The following MACROD2 variants were observed in gnomAD, a reference collection of about 807,000 sequenced individuals.
The protein encoded by MACROD2 is mono-ADP ribosylhydrolase 2.
In MACROD2, 36 loss-of-function variants were observed where a neutral mutation model predicts 70.4. That is an observed-to-expected ratio of 0.51 (90% CI 0.39 to 0.68). The LOEUF is 0.68. Ranked by LOEUF, MACROD2 falls within the 30% of genes least tolerant of loss-of-function variation. MACROD2 has a pLI of 0.00. For missense variants in MACROD2, 496 were observed against 538.4 expected (o/e 0.92, Z 0.78); for synonymous variants, 172 against 178.8 (o/e 0.96, Z 0.30).
chr20:16,041,394 CAG>C, intron 16 of MACROD2, 116 bp downstream of exon 16: 1 of 778,790 alleles, frequency 1.3e-6, no homozygotes, highest in Non-Finnish European at 1.9e-6. Context: ...GGTTAGAACA[CAG>C]TAAATTTCAA....
chr20:14,021,853 T>C (rs1206370164), intron 2 of MACROD2, among the ~76,000 whole-genome samples: 2 of 152,190 alleles, frequency 1.3e-5, no homozygotes, highest in Non-Finnish European at 2.9e-5. Flanking sequence ...GACATTCTGC[T>C]TCACGTAGTC....
intron 5 of MACROD2, among the ~76,000 whole-genome samples, chr20:14,928,445 G>C (rs2074259459): frequency 6.6e-6 from 1 of 152,222 alleles, no homozygotes; most frequent in Non-Finnish European, 1.5e-5. Context: ...AAAAGGTTGT[G>C]ATTTGAAAGA....
chr20:16,041,322 G>T, intron 16 of MACROD2, 44 bp downstream of exon 16: 1 of 1,496,414 alleles, frequency 6.7e-7, no homozygotes, highest in South Asian at 1.2e-5. Flanking sequence ...TACAAATCTG[G>T]CATATTTTCT....
chr20:15,828,203 A>G (rs1404021486), intron 8 of MACROD2, among the ~76,000 whole-genome samples: 1 of 152,202 alleles, frequency 6.6e-6, no homozygotes, highest in African/African-American at 2.4e-5. Context: ...TCCACAATGT[A>G]TACATATATC....
At chr20:15,196,304 A>G (rs199303) in intron 5 of MACROD2, among the ~76,000 whole-genome samples, 30,044 of 151,896 alleles carry the variant, frequency 0.2, 3,340 homozygotes, top group African/African-American at 0.31. Flanking sequence ...AACTAAAAAT[A>G]TAACATACAA....
At chr20:14,480,756 GTGTACAGAAAAAAAGTGTGTCT>G (rs2084654030) in intron 3 of MACROD2, among the ~76,000 whole-genome samples, 1 of 152,028 alleles carries the variant, frequency 6.6e-6, no homozygotes, top group African/African-American at 2.4e-5. Context: ...TTTGTCTCCT[GTGTACAGAAAAAAAGTGTGTCT>G]TGTATGGTAA....
intron 5 of MACROD2, among the ~76,000 whole-genome samples, chr20:14,959,034 C>T (rs1436920176): frequency 6.6e-6 from 1 of 152,126 alleles, no homozygotes; most frequent in South Asian, 2.1e-4. Flanking sequence ...ATCTAAATAG[C>T]TGCTTGCAAC....
intron 8 of MACROD2, among the ~76,000 whole-genome samples, chr20:15,527,319 A>G (rs976514328): frequency 2.0e-5 from 3 of 152,316 alleles, no homozygotes; most frequent in Admixed American, 1.3e-4. Flanking sequence ...AATGGTATTC[A>G]ACTATCTGTT....
rs192078193 is a variant in MACROD2, at chr20:15,393,263, G to A, written c.541-38142G>A. Among the ~76,000 whole-genome samples, 49 of 152,258 alleles carry A rather than the reference G, an allele frequency of 3.2e-4. No individual in the cohort carries two copies. In the East Asian group the frequency reaches 7.7e-3, roughly 24 times the overall value. ...CTTCCATTATTTCATGAGGTTGATT[G>A]GAATGAGTGTGTGATTGGAAGGGAA... On this transcript the variant is annotated intron_variant, in intron 6 of 17. Coordinates refer to ENST00000684519, the MANE Select transcript of MACROD2 (RefSeq NM_001351661.2).
chr20:15,708,062 A>G (rs1388051392), intron 8 of MACROD2, among the ~76,000 whole-genome samples: 1 of 151,690 alleles, frequency 6.6e-6, no homozygotes, highest in African/African-American at 2.4e-5. Context: ...GAGAATGAGG[A>G]GCTCTGCACT....
chr20:15,974,525 G>A (rs2066276661), intron 13 of MACROD2, among the ~76,000 whole-genome samples: 1 of 152,076 alleles, frequency 6.6e-6, no homozygotes, highest in African/African-American at 2.4e-5. Context: ...GGGGTGGGGA[G>A]GGATGAATAG....
intron 5 of MACROD2, among the ~76,000 whole-genome samples, chr20:14,981,432 G>GTGTA (rs1391438885): frequency 8.5e-5 from 12 of 141,466 alleles, no homozygotes; most frequent in Admixed American, 2.1e-4. Flanking sequence ...ATATGTATAT[G>GTGTA]TATATATATA....
intron 10 of MACROD2, among the ~76,000 whole-genome samples, chr20:15,930,812 T>C (rs1321331824): frequency 6.6e-6 from 1 of 152,198 alleles, no homozygotes; most frequent in Non-Finnish European, 1.5e-5. Flanking sequence ...TTGTTACTAT[T>C]AGAAAGCTGG....
intron 3 of MACROD2, among the ~76,000 whole-genome samples, chr20:14,337,804 G>C (rs992162910): frequency 6.6e-6 from 1 of 152,178 alleles, no homozygotes; most frequent in African/African-American, 2.4e-5. Context: ...CCAAAGCTAG[G>C]ATGCCATTTG....
chr20:15,333,910 G>A (rs545534472), intron 6 of MACROD2, among the ~76,000 whole-genome samples: 1 of 151,508 alleles, frequency 6.6e-6, no homozygotes, highest in Non-Finnish European at 1.5e-5. Context: ...AGACCACATG[G>A]GTCACAGCTT....
At chr20:14,407,205 C>T (rs987396316) in intron 3 of MACROD2, among the ~76,000 whole-genome samples, 7 of 150,658 alleles carry the variant, frequency 4.6e-5, no homozygotes, top group Non-Finnish European at 1.0e-4. Context: ...TTACCCTGCT[C>T]TATTTTCTCT....
At chr20:16,014,363 G>A (rs540783409) in intron 15 of MACROD2, among the ~76,000 whole-genome samples, 4 of 152,200 alleles carry the variant, frequency 2.6e-5, no homozygotes, top group South Asian at 2.1e-4. Flanking sequence ...TATATTCTCC[G>A]GTTCTAAAAG....
At chr20:15,047,728 G>A (rs1365745666) in intron 5 of MACROD2, among the ~76,000 whole-genome samples, 1 of 152,154 alleles carries the variant, frequency 6.6e-6, no homozygotes, top group Non-Finnish European at 1.5e-5. Flanking sequence ...TTTACCCACT[G>A]AGTTGTGAGT....
chr20:14,721,578 G>A (rs1420352240), intron 5 of MACROD2, among the ~76,000 whole-genome samples: 2 of 152,026 alleles, frequency 1.3e-5, no homozygotes, highest in African/African-American at 4.8e-5. Flanking sequence ...TTATTTTATT[G>A]CCTAGGTTAC....
Sources: allele counts gnomAD v4.1 joint callset (sites outside exome capture counted in the v4.1 genomes callset), GRCh38; gene constraint gnomAD v4.1.1; transcripts MANE v1.5; gene names NCBI Gene and HGNC (gene_info 2026-07-23, HGNC 2026-07-21).